Variants in FSD1L observed in about 807,000 individuals in gnomAD.
FSD1L encodes the protein fibronectin type III and SPRY domain containing 1 like, also known as FSD1-like protein.
A neutral mutation model predicts 71.6 loss-of-function variants in FSD1L; 45 were observed. That is an observed-to-expected ratio of 0.63 (90% confidence interval 0.49 to 0.81). The LOEUF (loss-of-function observed/expected upper bound fraction) is 0.81, where lower values mean the gene tolerates loss of function less well. FSD1L is among the 30% of genes least tolerant of loss of function. FSD1L has a pLI of 0.00. For missense variants in FSD1L, 561 were observed against 618.1 expected (o/e 0.91, Z 0.98); for synonymous variants, 197 against 207.2 (o/e 0.95, Z 0.42).
At chr9:105,502,962 C>T (rs1236379051) in intron 7 of FSD1L, among the ~76,000 whole-genome samples, 6 of 150,952 alleles carry the variant, frequency 4.0e-5, no homozygotes, top group Admixed American at 2.0e-4. Flanking sequence ...ACTGCAGCCT[C>T]AACCTCCTGG....
At chr9:105,506,283 C>A in intron 7 of FSD1L, 116 bp from the exon 8 acceptor site, 1 of 748,616 alleles carries the variant, frequency 1.3e-6, no homozygotes, top group Non-Finnish European at 2.1e-6. Flanking sequence ...TACTTTTGAA[C>A]AGTTTAAAAG....
chr9:105,472,026 T>C, intron 5 of FSD1L, 21 bp downstream of exon 5: 1 of 1,416,836 alleles, frequency 7.1e-7, no homozygotes, highest in Non-Finnish European at 9.2e-7. Context: ...ACTGCATTAA[T>C]ACACTTAACA....
intron 7 of FSD1L, among the ~76,000 whole-genome samples, chr9:105,494,436 T>C (rs1490211803): frequency 6.6e-6 from 1 of 152,168 alleles, no homozygotes; most frequent in Non-Finnish European, 1.5e-5. Flanking sequence ...CTTCTTTGCC[T>C]TTGGTTTGAA....
At chr9:105,485,833 C>T (rs553400572) in intron 7 of FSD1L, among the ~76,000 whole-genome samples, 46 of 151,964 alleles carry the variant, frequency 3.0e-4, no homozygotes, top group African/African-American at 1.1e-3. Flanking sequence ...TTAGTAGAGA[C>T]GGGGTTTCAC....
intron 13 of FSD1L, among the ~76,000 whole-genome samples, chr9:105,543,588 C>T (rs888657695): frequency 1.2e-4 from 18 of 152,116 alleles, no homozygotes; most frequent in African/African-American, 3.9e-4. Flanking sequence ...CTCCCCTCCC[C>T]CAACCCCACA....
At chr9:105,499,561 C>T (rs1357919245) in intron 7 of FSD1L, among the ~76,000 whole-genome samples, 1 of 151,542 alleles carries the variant, frequency 6.6e-6, no homozygotes, top group Non-Finnish European at 1.5e-5. Flanking sequence ...AGGTAAGGTC[C>T]CCTCCTCCGC....
intron 1 of FSD1L, among the ~76,000 whole-genome samples, chr9:105,448,531 A>G (rs774264857): frequency 6.6e-6 from 1 of 152,210 alleles, no homozygotes; most frequent in Non-Finnish European, 1.5e-5. Flanking sequence ...GCCACTCTGC[A>G]GCGCTTTAGG....
At chr9:105,522,283 T>C in intron 10 of FSD1L, 1 of 1,613,812 alleles carries the variant, frequency 6.2e-7, no homozygotes, top group South Asian at 1.1e-5. Flanking sequence ...GCTAGGAATT[T>C]ATATAGTTTG....
At chr9:105,491,622 A>G (rs1394843675) in intron 7 of FSD1L, among the ~76,000 whole-genome samples, 1 of 151,968 alleles carries the variant, frequency 6.6e-6, no homozygotes, top group Non-Finnish European at 1.5e-5. Flanking sequence ...TCAGTATGAT[A>G]TTGGCTGTGG....
intron 3 of FSD1L, among the ~76,000 whole-genome samples, chr9:105,465,913 C>A (rs149926049): frequency 6.6e-6 from 1 of 151,762 alleles, no homozygotes; most frequent in East Asian, 1.9e-4. Context: ...GTTCTGTCAC[C>A]CAGGATGGAG....
intron 10 of FSD1L, chr9:105,526,503 G>A (rs1327352): frequency 0.12 from 188,687 of 1,611,944 alleles, 14,621 homozygotes; most frequent in East Asian, 0.47. Context: ...AAGCTGCGTC[G>A]TTCCTCTGGC....
intron 1 of FSD1L, among the ~76,000 whole-genome samples, chr9:105,452,656 TGCCTGCCTG>T (rs1830088798): frequency 4.1e-4 from 54 of 131,874 alleles, no homozygotes; most frequent in African/African-American, 1.3e-3. Context: ...CCTGCCTGCC[TGCCTGCCTG>T]CCTGCCTTCC....
intron 10 of FSD1L, chr9:105,520,197 G>A (rs889561947): frequency 3.7e-6 from 6 of 1,611,324 alleles, no homozygotes; most frequent in African/African-American, 2.7e-5. Context: ...CAAGAAGGAC[G>A]CACTGACTCG....
chr9:105,521,503 A>G (rs1835153433), intron 10 of FSD1L: 2 of 1,613,980 alleles, frequency 1.2e-6, no homozygotes, highest in East Asian at 4.5e-5. Context: ...ATATTTCGTC[A>G]GGCATTTTTA....
chr9:105,526,481 C>A, intron 10 of FSD1L: 1 of 1,612,374 alleles, frequency 6.2e-7, no homozygotes, highest in East Asian at 2.2e-5. Flanking sequence ...TAGCAAAAGC[C>A]GCATGTCCAT....
chr9:105,451,775 G>T (rs113654075), intron 1 of FSD1L, among the ~76,000 whole-genome samples: 2,381 of 152,196 alleles, frequency 0.016, 89 homozygotes, highest in African/African-American at 0.054. Flanking sequence ...AAATGTGCAC[G>T]TTCAAAGAAA....
chr9:105,529,323 A>C (rs896019280), intron 10 of FSD1L, among the ~76,000 whole-genome samples: 1 of 152,246 alleles, frequency 6.6e-6, no homozygotes, highest in Non-Finnish European at 1.5e-5. Flanking sequence ...TCACATGCAC[A>C]CATATGTTTA....
intron 10 of FSD1L, chr9:105,520,168 C>T: frequency 6.2e-7 from 1 of 1,610,924 alleles, no homozygotes; most frequent in Non-Finnish European, 8.5e-7. Flanking sequence ...AAGAAGTCCA[C>T]CCAGAAGGTG....
At chr9:105,493,953 C>T (rs948065999) in intron 7 of FSD1L, among the ~76,000 whole-genome samples, 6 of 152,082 alleles carry the variant, frequency 3.9e-5, no homozygotes, top group Admixed American at 6.5e-5. Context: ...TCATTTCAAC[C>T]TTGGTGAATC....
Sources: gnomAD v4.1 joint callset for allele counts (sites outside exome capture counted in the v4.1 genomes callset) on GRCh38, gnomAD v4.1.1 for gene constraint, MANE v1.5 for transcripts, NCBI Gene and HGNC (gene_info 2026-07-23, HGNC 2026-07-21) for gene names.